Variants in TTC16 observed in about 807,000 individuals in gnomAD.
TTC16 encodes tetratricopeptide repeat domain 16, also known as tetratricopeptide repeat protein 16.
Under a neutral mutation model 80.4 loss-of-function variants are expected in TTC16, and 66 were observed. The ratio of observed to expected loss-of-function variants is 0.82; its 90% CI spans 0.67 to 1.01. The LOEUF (loss-of-function observed/expected upper bound fraction) is 1.01. Ranked by LOEUF, TTC16 falls within the 50% of genes least tolerant of loss-of-function variation. The pLI is 0.00. For synonymous variants in TTC16, 438 were observed against 451.3 expected, an observed-to-expected ratio of 0.97 and a Z score of 0.37; for missense variants, 1,070 against 1,103.2, an observed-to-expected ratio of 0.97 and a Z score of 0.43.
chr9:127,727,321 C>T lies in TTC16; in HGVS notation c.1620C>T (p.His540=). The part of the protein sequence containing the change: ...LERQKALALQ[H]SWKQGEPLIA... ...GCCAGAAGGCCTTGGCCCTGCAGCA[C>T]TCATGGAAGCAGGGGGAGCCTTTGA... The change falls in exon 12 of 14, where the codon CAC becomes CAT. Residue 540 remains histidine, a synonymous_variant. Coordinates refer to ENST00000373289, the MANE Select transcript of TTC16 (RefSeq NM_144965.3). The T allele has an allele frequency of 6.3e-7, 1 of 1,599,354 alleles. No homozygotes were observed. The highest frequency in any genetic ancestry group is 8.5e-7 in the Non-Finnish European group (1 of 1,170,630).
intron 12 of TTC16, 76 bp downstream of exon 12, chr9:127,727,541 T>G (rs1441718407): frequency 6.6e-7 from 1 of 1,511,562 alleles, no homozygotes; most frequent in African/African-American, 1.4e-5. Flanking sequence ...GGCTGAAGGA[T>G]GCAGGCCAGT....
rs763795047 is a variant in TTC16, at chr9:127,724,746, C to T, written c.1118-10C>T. On this transcript the variant is annotated splice_polypyrimidine_tract_variant and intron_variant, in intron 8 of 13. Coordinates refer to ENST00000373289, the MANE Select transcript of TTC16 (RefSeq NM_144965.3). ...TTGGGGGTCCACTCACCCCCGCCTC[C>T]GGACCCTAGATTGCTTCTTCCAGCT... is the stretch of plus-strand genomic sequence containing the variant. The T allele has an allele frequency of 6.2e-6, 10 of 1,606,790 alleles. No homozygotes were observed. The Admixed American group carries it at 6.7e-5, about 11-fold the overall frequency.
chr9:127,723,939 A>T (rs1388540424), intron 7 of TTC16, among the ~76,000 whole-genome samples, 181 bp from the exon 8 acceptor site: 1 of 149,680 alleles, frequency 6.7e-6, no homozygotes, highest in Non-Finnish European at 1.5e-5. Context: ...CTAGTGGGTT[A>T]TCTGAGTAGC....
At chr9:127,723,560 T>C (rs1843664682) in intron 7 of TTC16, among the ~76,000 whole-genome samples, 1 of 152,244 alleles carries the variant, frequency 6.6e-6, no homozygotes, top group South Asian at 2.1e-4. Flanking sequence ...ATCCTAGAGC[T>C]GCAGCCTGCA....
chr9:127,719,926 G>C, intron 4 of TTC16, 152 bp from the exon 5 acceptor site: 1 of 657,326 alleles, frequency 1.5e-6, no homozygotes. Flanking sequence ...ATCTCTGTCT[G>C]TGTCTCTGCC....
chr9:127,731,550 A>AC lies in TTC16; in HGVS notation c.*146dup. The AC allele has an allele frequency of 7.0e-7, 1 of 1,424,422 alleles. No homozygotes were observed. The highest frequency in any genetic ancestry group is 9.2e-7 in the Non-Finnish European group (1 of 1,088,432). 88.2% of individuals were successfully genotyped at this position (1,424,422 alleles called of 1,614,324 possible). ...CTGGTCCCACAGCTGAGTTTATTAT[A>AC]CTTGTTTTCTTTTACAAAATTAAAA... is the stretch of plus-strand genomic sequence containing the variant. On this transcript the variant is annotated 3_prime_UTR_variant, in exon 14 of 14. Coordinates refer to ENST00000373289, the MANE Select transcript of TTC16 (RefSeq NM_144965.3).
chr9:127,726,681 A>C (rs981413263), intron 10 of TTC16, among the ~76,000 whole-genome samples: 2 of 151,670 alleles, frequency 1.3e-5, no homozygotes, highest in Admixed American at 1.3e-4. Context: ...CCAGCTACTC[A>C]GGAGGCTGAG....
chr9:127,716,864 G>C lies in TTC16; in HGVS notation c.39G>C (p.Gln13His). The change falls in exon 2 of 14, where the codon CAG becomes CAC. Residue 13 changes from glutamine to histidine, a missense_variant. Transcript: ENST00000373289. ...TCTAGGATGCCCTGAAGGTTGACCAGGGCCCCTCACGGGACATCCCAAAGC... is the reference window on the plus strand; with the variant it reads ...TCTAGGATGCCCTGAAGGTTGACCACGGCCCCTCACGGGACATCCCAAAGC... Reference protein sequence around the residue: ...DSDEDALKVDQGPSRDIPKPW... With the variant: ...DSDEDALKVDHGPSRDIPKPW... 1 of 1,613,084 alleles carries C rather than the reference G, an allele frequency of 6.2e-7. No homozygotes were observed. The highest frequency in any genetic ancestry group is 8.5e-7 in the Non-Finnish European group (1 of 1,179,362).
intron 12 of TTC16, chr9:127,729,142 G>T: frequency 6.3e-6 from 1 of 158,270 alleles, no homozygotes. Context: ...CTGAGCTTTG[G>T]TTTCCTGTTC....
intron 6 of TTC16, 68 bp downstream of exon 6, chr9:127,720,463 C>A: frequency 4.4e-6 from 7 of 1,590,250 alleles, no homozygotes; most frequent in Non-Finnish European, 6.0e-6. Context: ...CCCAAGATTG[C>A]AGGAAGAGGC....
chr9:127,727,018 G>A lies in TTC16; in HGVS notation c.1474G>A (p.Val492Met). 2 of 1,612,976 alleles carry A rather than the reference G, an allele frequency of 1.2e-6. No homozygotes were observed. Among genetic ancestry groups the A allele is most frequent in the Non-Finnish European group, 1.7e-6 (2 of 1,180,006 alleles). Reference sequence around the variant, plus strand: ...CTTCCCGGGCATGTCGGTGGAGGAGGTGCTTAGCACCCAGATAGCCCACCT... The same window carrying A: ...CTTCCCGGGCATGTCGGTGGAGGAGATGCTTAGCACCCAGATAGCCCACCT... Reference protein sequence around the residue: ...NLFPGMSVEEVLSTQIAHLAR... With the variant: ...NLFPGMSVEEMLSTQIAHLAR... Residue 492 changes from valine (V) to methionine (M), a missense_variant, in exon 11 of 14, where the codon GTG becomes ATG. Physicochemically the swap from Val to Met is conservative, Grantham distance 21. Transcript: ENST00000373289.
rs866119134 is a variant in TTC16 at position 127,718,269 on chromosome 9, G to C, written c.426+497G>C. Among the ~76,000 whole-genome samples the C allele has an allele frequency of 2.6e-5, 4 of 152,034 alleles. No homozygotes were observed. The highest frequency in any genetic ancestry group is 9.7e-5 in the African/African-American group (4 of 41,384). On this transcript the variant is annotated intron_variant, in intron 4 of 13. Transcript: ENST00000373289. This position sits in a 1 kb window ranked among gnomAD's most constrained non-coding sequence, Gnocchi z 4.6. ...CGCCTGGCTAATTTTTTGTATTTTA[G>C]TAGAGACAGGGTTTTACTTTGTTGC...
At chr9:127,724,457 A>C (rs756154553) in intron 8 of TTC16, 93 bp downstream of exon 8, 1 of 1,489,836 alleles carries the variant, frequency 6.7e-7, no homozygotes, top group Non-Finnish European at 9.1e-7. Context: ...CCTGGGGGGA[A>C]GGAGGAAGGG....
chr9:127,726,179 C>T lies in TTC16; in HGVS notation c.1260-60C>T. 2.1e-6 allele frequency: 3 copies of T among 1,460,196 alleles called. No homozygotes were observed. In the East Asian group the frequency reaches 7.4e-5, roughly 36 times the overall value. 90.5% of individuals were successfully genotyped at this position (1,460,196 alleles called of 1,614,324 possible). ...TAACTCCTCAGTGGGGCCCAGTAGC[C>T]ACCATTTTCCCCACAGATGGCCCAG... is the stretch of plus-strand genomic sequence containing the variant. On this transcript the variant is annotated intron_variant, in intron 9 of 13. Transcript: ENST00000373289.
rs761422739 is a variant in TTC16, at chr9:127,731,069, C to T, written c.2286C>T (p.Thr762=). The T allele has an allele frequency of 2.2e-5, 35 of 1,612,234 alleles. No individual in the cohort carries two copies. The highest frequency in any genetic ancestry group is 2.7e-5 in the Non-Finnish European group (32 of 1,179,722). ...TQGPRQEPSK[T]KTTRSPRQRP... is the part of the protein sequence containing the mutation. ...GCCCAAGGCAGGAGCCCAGCAAGAC[C>T]AAGACCACCCGGAGCCCAAGGCAGA... Residue 762 remains threonine, a synonymous_variant, in exon 14 of 14, where the codon ACC becomes ACT. Coordinates refer to ENST00000373289, the MANE Select transcript of TTC16 (RefSeq NM_144965.3).
In TTC16 at chr9:127,731,077, C is replaced by G. The variant is rs1181894337; in HGVS notation, c.2294C>G (p.Thr765Ser). 2 of 1,612,330 alleles carry G rather than the reference C, an allele frequency of 1.2e-6. No individual in the cohort carries two copies. The highest frequency in any genetic ancestry group is 1.6e-4 in the Middle Eastern group (1 of 6,062). The change falls in exon 14 of 14, where the codon ACC becomes AGC. Residue 765 changes from threonine (T) to serine (S), a missense_variant. Coordinates refer to ENST00000373289, the MANE Select transcript of TTC16 (RefSeq NM_144965.3). Reference protein sequence around the residue: ...PRQEPSKTKTTRSPRQRPRKV... With the variant: ...PRQEPSKTKTSRSPRQRPRKV... ...CAGGAGCCCAGCAAGACCAAGACCA[C>G]CCGGAGCCCAAGGCAGAGGCCCAGA...
chr9:127,716,920 T>A lies in TTC16; in HGVS notation c.95T>A (p.Leu32Gln), dbSNP rs1843067622. 6.2e-7 allele frequency: 1 copy of A among 1,613,972 alleles called. No homozygotes were observed. The highest frequency in any genetic ancestry group is 1.3e-5 in the African/African-American group (1 of 74,912). The change falls in exon 2 of 14, where the codon CTG (leucine) becomes CAG (glutamine). Residue 32 changes from leucine (L) to glutamine (Q), a missense_variant. Physicochemically the swap from Leu to Gln is moderately radical, Grantham distance 113 (BLOSUM62 -2). Coordinates refer to ENST00000373289, the MANE Select transcript of TTC16 (RefSeq NM_144965.3). Reference protein sequence around the residue: ...PWVIPAPKGILQHIFGTSHVF... With the variant: ...PWVIPAPKGIQQHIFGTSHVF... ...GTGATTCCAGCCCCCAAAGGGATCC[T>A]GCAGCACATCTTTGGGACCAGCCAC...
chr9:127,717,880 T>C, intron 4 of TTC16, 108 bp downstream of exon 4: 1 of 1,398,190 alleles, frequency 7.2e-7, no homozygotes, highest in Non-Finnish European at 9.5e-7. Flanking sequence ...CTTGTCCCTG[T>C]GTCTGGGTCC....
Position 127,724,322 on chromosome 9 carries a change from C to T in TTC16, c.1075C>T (p.Arg359Trp), listed in dbSNP as rs779577498. 2.5e-6 allele frequency: 4 copies of T among 1,589,822 alleles called. No individual in the cohort carries two copies. The highest frequency in any genetic ancestry group is 1.7e-5 in the Admixed American group (1 of 59,184). The change falls in exon 8 of 14, where the codon CGG becomes TGG. Residue 359 changes from arginine to tryptophan, a missense_variant. Physicochemically the swap from Arg to Trp is moderately radical, Grantham distance 101. Coordinates refer to ENST00000373289, the MANE Select transcript of TTC16 (RefSeq NM_144965.3). ...EGVLLLNKALRDEQQEKGLYI... is the reference protein window; with the variant it reads ...EGVLLLNKALWDEQQEKGLYI... ...CGTGCTGCTGCTGAACAAGGCCCTC[C>T]GGGACGAGCAGCAGGAGAAAGGACT...
Sources: allele counts gnomAD v4.1 joint callset (sites outside exome capture counted in the v4.1 genomes callset), GRCh38; gene constraint gnomAD v4.1.1; non-coding constraint Gnocchi (gnomAD v3.1); transcripts MANE v1.5; gene names NCBI Gene and HGNC (gene_info 2026-07-23, HGNC 2026-07-21).